The following RAPGEF2 variants were observed in gnomAD, a reference collection of about 807,000 sequenced individuals.
The protein encoded by RAPGEF2 is Rap guanine nucleotide exchange factor 2.
In RAPGEF2, 54 loss-of-function variants were observed where a neutral mutation model predicts 186.7. The observed-to-expected ratio is 0.29, with a 90% CI of 0.23 to 0.36. RAPGEF2 has a LOEUF of 0.36. RAPGEF2 is among the 10% of genes least tolerant of loss of function. The pLI, the probability that RAPGEF2 is intolerant of heterozygous loss-of-function variation, is 1.00. For missense variants in RAPGEF2, 1,532 were observed against 2,045.0 expected, an observed-to-expected ratio of 0.75 and a Z score of 4.84; for synonymous variants, 712 against 705.9, an observed-to-expected ratio of 1.01 and a Z score of -0.14.
At chr4:159,329,807 G>T (rs1766412956) in intron 11 of RAPGEF2, 51 bp from the exon 12 acceptor site, 1 of 1,495,452 alleles carries the variant, frequency 6.7e-7, no homozygotes, top group East Asian at 2.3e-5. Flanking sequence ...AGTACTGCTA[G>T]GTCTTTTGCA....
chr4:159,342,952 A>G (rs374911725), intron 20 of RAPGEF2, 27 bp from the exon 21 acceptor site: 137 of 1,592,728 alleles, frequency 8.6e-5, no homozygotes, highest in Non-Finnish European at 1.2e-4. Flanking sequence ...TTTAGTTGTT[A>G]TACCATGTTT....
intron 1 of RAPGEF2, among the ~76,000 whole-genome samples, chr4:159,140,777 G>A (rs754916343): frequency 2.0e-5 from 3 of 151,440 alleles, no homozygotes; most frequent in Non-Finnish European, 2.9e-5. Flanking sequence ...ATGAAAGATC[G>A]TATAAGCAAT....
chr4:159,350,235 G>C lies in RAPGEF2; in HGVS notation c.3811G>C (p.Ala1271Pro). The C allele has an allele frequency of 6.3e-7, 1 of 1,599,740 alleles. No individual in the cohort carries two copies. ...KKQAEDTISN[A>P]SSQLSSPPTS... is the part of the protein sequence containing the mutation. ...ACAGGCTGAAGATACAATATCAAAT[G>C]CATCTTCGCAGCTTTCTTCTCCTCC... is the stretch of plus-strand genomic sequence containing the variant. The change falls in exon 26 of 30, where the codon GCA (alanine) becomes CCA (proline). Residue 1271 changes from alanine to proline, a missense_variant. Around this residue, in one of 4 missense-constraint regions of RAPGEF2, gnomAD observed 594 missense variants for 608.5 expected, o/e 0.98. Coordinates refer to ENST00000691494, the MANE Select transcript of RAPGEF2 (RefSeq NM_001394067.2).
chr4:159,212,545 A>G (rs1359123043), intron 4 of RAPGEF2, among the ~76,000 whole-genome samples: 1 of 152,152 alleles, frequency 6.6e-6, no homozygotes, highest in African/African-American at 2.4e-5. Flanking sequence ...TGTCTTCCTT[A>G]TTCTGGTTAA....
chr4:159,345,512 C>T (rs553035987), intron 24 of RAPGEF2, among the ~76,000 whole-genome samples, 183 bp downstream of exon 24: 7 of 152,254 alleles, frequency 4.6e-5, no homozygotes, highest in Non-Finnish European at 7.4e-5. Flanking sequence ...ACGGCCAGGC[C>T]GTCATGTCAA....
In RAPGEF2 at chr4:159,304,349, C is replaced by T. The variant is rs766346178; in HGVS notation, c.551C>T (p.Ala184Val). ...TTCCTGCTCCTTCCATAGCTTCCTGCAGATTTCACAAAACTGCATCTTACT... is the reference window on the plus strand; with the variant it reads ...TTCCTGCTCCTTCCATAGCTTCCTGTAGATTTCACAAAACTGCATCTTACT... Reference protein sequence around the residue: ...HTECTKSQLPADFTKLHLTDS... With the variant: ...HTECTKSQLPVDFTKLHLTDS... Residue 184 changes from alanine (A) to valine (V), a missense_variant, in exon 8 of 30, where the codon GCA becomes GTA. Physicochemically the swap from Ala to Val is moderately conservative, Grantham distance 64. Coordinates refer to ENST00000691494, the MANE Select transcript of RAPGEF2 (RefSeq NM_001394067.2). 15 of 1,604,170 alleles carry T rather than the reference C, an allele frequency of 9.4e-6. No individual in the cohort carries two copies. In the Admixed American group the frequency reaches 2.2e-4, roughly 23 times the overall value.
intron 4 of RAPGEF2, among the ~76,000 whole-genome samples, chr4:159,219,846 C>T (rs1751364131): frequency 6.6e-6 from 1 of 152,188 alleles, no homozygotes; most frequent in African/African-American, 2.4e-5. Flanking sequence ...AAACTGCTCA[C>T]CTGCAATGTT....
intron 1 of RAPGEF2, among the ~76,000 whole-genome samples, chr4:159,104,538 G>GAGAGAGAC (rs1737632922): frequency 9.2e-6 from 1 of 109,176 alleles, no homozygotes; most frequent in African/African-American, 3.8e-5. Context: ...GAGAGACAGA[G>GAGAGAGAC]AGAGAGAGAG....
At chr4:159,311,482 G>A (rs572347618) in intron 8 of RAPGEF2, among the ~76,000 whole-genome samples, 5 of 152,074 alleles carry the variant, frequency 3.3e-5, no homozygotes, top group Non-Finnish European at 7.4e-5. Flanking sequence ...CTTGAGGAAG[G>A]GACTTTTGAT....
At chr4:159,264,965 A>G (rs553821369) in intron 7 of RAPGEF2, among the ~76,000 whole-genome samples, 1 of 152,360 alleles carries the variant, frequency 6.6e-6, no homozygotes, top group African/African-American at 2.4e-5. Context: ...TGCATATACC[A>G]CACTTGTATG....
intron 4 of RAPGEF2, among the ~76,000 whole-genome samples, chr4:159,229,917 T>TTG (rs891728496): frequency 6.6e-6 from 1 of 152,146 alleles, no homozygotes; most frequent in African/African-American, 2.4e-5. Context: ...TTTTTCTTTT[T>TTG]TGATATGGCA....
chr4:159,139,063 C>A (rs1188555931), intron 1 of RAPGEF2, among the ~76,000 whole-genome samples: 1 of 152,150 alleles, frequency 6.6e-6, no homozygotes, highest in Non-Finnish European at 1.5e-5. Context: ...TGGTGTAAAG[C>A]TCTAGGAAGG....
chr4:159,287,532 G>C (rs28728301), intron 7 of RAPGEF2, among the ~76,000 whole-genome samples: 10 of 152,044 alleles, frequency 6.6e-5, no homozygotes, highest in Non-Finnish European at 4.4e-5. Flanking sequence ...TTGAGTGATA[G>C]GACTTGACTA....
chr4:159,205,223 G>A (rs1749844350), intron 3 of RAPGEF2, among the ~76,000 whole-genome samples: 1 of 152,026 alleles, frequency 6.6e-6, no homozygotes, highest in African/African-American at 2.4e-5. Context: ...TCACTTTGAT[G>A]GATCTCCTAT....
At chr4:159,252,657 ATTAAG>A (rs1455034619) in intron 7 of RAPGEF2, among the ~76,000 whole-genome samples, 1 of 152,020 alleles carries the variant, frequency 6.6e-6, no homozygotes, top group Non-Finnish European at 1.5e-5. Flanking sequence ...CTGCAAGCGG[ATTAAG>A]TTGTCAGAGG....
intron 4 of RAPGEF2, among the ~76,000 whole-genome samples, chr4:159,221,666 A>G (rs1303454759): frequency 6.6e-6 from 1 of 152,218 alleles, no homozygotes; most frequent in Non-Finnish European, 1.5e-5. Context: ...TCACTCTCAG[A>G]GTGCATTAAT....
chr4:159,351,489 T>G (rs1731167575), intron 26 of RAPGEF2, among the ~76,000 whole-genome samples: 1 of 152,176 alleles, frequency 6.6e-6, no homozygotes, highest in African/African-American at 2.4e-5. Context: ...CTGGCAACAT[T>G]TAGATGCTCT....
chr4:159,181,156 A>T (rs1282227369), intron 1 of RAPGEF2, among the ~76,000 whole-genome samples: 1 of 152,194 alleles, frequency 6.6e-6, no homozygotes, highest in Admixed American at 6.5e-5. Flanking sequence ...CCACTTGATC[A>T]GTGAGCTAGC....
At chr4:159,244,427 C>T (rs1204039959) in intron 7 of RAPGEF2, among the ~76,000 whole-genome samples, 1 of 151,852 alleles carries the variant, frequency 6.6e-6, no homozygotes, top group Admixed American at 6.6e-5. Context: ...TTCTTTGATG[C>T]CAGTACATGA....
Sources: allele counts gnomAD v4.1 joint callset (sites outside exome capture counted in the v4.1 genomes callset), GRCh38; gene constraint gnomAD v4.1.1; regional missense constraint gnomAD v4.1.1; transcripts MANE v1.5; gene names NCBI Gene and HGNC (gene_info 2026-07-23, HGNC 2026-07-21).